The following QSOX1 variants were observed in gnomAD, a reference collection of about 807,000 sequenced individuals.
QSOX1 encodes the protein quiescin sulfhydryl oxidase 1.
Under a neutral mutation model 76.1 loss-of-function variants are expected in QSOX1, and 40 were observed. That is an observed-to-expected ratio of 0.53 (90% CI 0.41 to 0.68). The LOEUF is 0.68. QSOX1 is among the 30% of genes least tolerant of loss of function. The pLI, the probability that QSOX1 is intolerant of heterozygous loss-of-function variation, is 0.00. For missense variants in QSOX1, 931 were observed against 974.3 expected, an observed-to-expected ratio of 0.96 and a Z score of 0.59; for synonymous variants, 392 against 413.1, an observed-to-expected ratio of 0.95 and a Z score of 0.62.
chr1:180,163,575 A>T (rs1453044852), intron 1 of QSOX1, among the ~76,000 whole-genome samples: 3 of 152,264 alleles, frequency 2.0e-5, no homozygotes, highest in Non-Finnish European at 2.9e-5. Flanking sequence ...ATACAAAAAC[A>T]AGATGCCAAA....
At position 180,154,900 on chromosome 1, in the gene QSOX1, C is replaced by T. The variant is rs371215494; in HGVS notation, c.-8C>T. ...TGCTTGCGTGTGGTGGTGAGCGCAG[C>T]GCCGAGGATGAGGAGGTGCAACAGC... is the stretch of plus-strand genomic sequence containing the variant. On this transcript the variant is annotated 5_prime_UTR_variant, in exon 1 of 12. Coordinates refer to ENST00000367602, the MANE Select transcript of QSOX1 (RefSeq NM_002826.5). 7.0e-7 allele frequency: 1 copy of T among 1,429,954 alleles called. No homozygotes were observed. Among genetic ancestry groups the T allele is most frequent in the Non-Finnish European group, 9.1e-7 (1 of 1,100,114 alleles). The allele number at this position is 1,429,954 out of a possible 1,614,324, so 88.6% of individuals were successfully genotyped here. A position where few individuals can be genotyped will look rare whatever the true frequency, so the allele number is the denominator to read the frequency against.
At chr1:180,172,852 G>A (rs2149234445) in intron 2 of QSOX1, among the ~76,000 whole-genome samples, 1 of 152,012 alleles carries the variant, frequency 6.6e-6, no homozygotes, top group African/African-American at 2.4e-5. Flanking sequence ...AGTAATGCAA[G>A]CCTCTTTTAA....
chr1:180,182,961 A>C (rs755625725), intron 6 of QSOX1, among the ~76,000 whole-genome samples: 7 of 152,106 alleles, frequency 4.6e-5, no homozygotes, highest in Non-Finnish European at 7.4e-5. Flanking sequence ...GTGCCGACCC[A>C]CACGGCGCCG....
chr1:180,183,842 C>T (rs1184120780), intron 6 of QSOX1, 74 bp from the exon 7 acceptor site: 3 of 1,453,142 alleles, frequency 2.1e-6, no homozygotes, highest in Non-Finnish European at 2.8e-6. Context: ...CCTTCTTCCT[C>T]TTCTGACATT....
At chr1:180,159,075 A>G (rs1644137060) in intron 1 of QSOX1, among the ~76,000 whole-genome samples, 1 of 152,192 alleles carries the variant, frequency 6.6e-6, no homozygotes, top group South Asian at 2.1e-4. Flanking sequence ...GTGGGGGCTC[A>G]GCAGAATCCC....
chr1:180,194,646 A>G (rs949033381), intron 11 of QSOX1, among the ~76,000 whole-genome samples: 17 of 152,246 alleles, frequency 1.1e-4, no homozygotes, highest in African/African-American at 4.1e-4. Flanking sequence ...TCTCTAGCCT[A>G]CTGGGGTCCC....
intron 2 of QSOX1, among the ~76,000 whole-genome samples, chr1:180,174,699 A>G (rs1662841798): frequency 6.6e-6 from 1 of 152,178 alleles, no homozygotes; most frequent in Non-Finnish European, 1.5e-5. Context: ...ATTACATGCT[A>G]GGTACTGTGC....
chr1:180,170,435 G>A (rs2149233471), intron 2 of QSOX1, among the ~76,000 whole-genome samples: 1 of 152,292 alleles, frequency 6.6e-6, no homozygotes, highest in South Asian at 2.1e-4. Context: ...AGCTGGAATT[G>A]AATGCCATCG....
intron 2 of QSOX1, 77 bp from the exon 3 acceptor site, chr1:180,175,244 A>AT: frequency 7.2e-7 from 1 of 1,397,546 alleles, no homozygotes; most frequent in Non-Finnish European, 1.0e-6. Flanking sequence ...AAGTAGGCAG[A>AT]TTTTCAGAGC....
intron 5 of QSOX1, among the ~76,000 whole-genome samples, chr1:180,180,599 C>T (rs563318853): frequency 2.0e-5 from 3 of 152,366 alleles, no homozygotes; most frequent in African/African-American, 7.2e-5. Context: ...ACTGCAAGCT[C>T]CACCTGTCAG....
At position 180,179,001 on chromosome 1, in the gene QSOX1, T is replaced by C. The variant is rs1015250114; in HGVS notation, c.606+117T>C. On this transcript the variant is annotated intron_variant, in intron 5 of 11. Coordinates refer to ENST00000367602, the MANE Select transcript of QSOX1 (RefSeq NM_002826.5). ...TCTTGGCTGCCTGGGTCTTTTAGCC[T>C]GGCATTGGCCTGACCCCTGCTGGGA... The C allele has an allele frequency of 3.7e-5, 33 of 896,690 alleles. No individual in the cohort carries two copies. In the African/African-American group the frequency reaches 5.5e-4, roughly 15 times the overall value. The allele number at this position is 896,690 out of a possible 1,614,324, so 55.5% of individuals were successfully genotyped here. A position where few individuals can be genotyped will look rare whatever the true frequency, so the allele number is the denominator to read the frequency against.
intron 2 of QSOX1, 35 bp downstream of exon 2, chr1:180,166,626 C>T (rs1373715281): frequency 6.3e-7 from 1 of 1,591,084 alleles, no homozygotes; most frequent in Admixed American, 1.7e-5. Flanking sequence ...GCAGGCTGGG[C>T]CTGCTTTGTT....
At chr1:180,182,131 C>T in intron 5 of QSOX1, 43 bp from the exon 6 acceptor site, 1 of 1,607,344 alleles carries the variant, frequency 6.2e-7, no homozygotes. Flanking sequence ...CTGGCTCCCT[C>T]CACCCGGTGG....
At chr1:180,186,256 A>T in intron 8 of QSOX1, 74 bp downstream of exon 8, 1 of 1,535,192 alleles carries the variant, frequency 6.5e-7, no homozygotes, top group Non-Finnish European at 8.8e-7. Context: ...AAGGCTGGGC[A>T]CCCCGTCAGC....
intron 1 of QSOX1, among the ~76,000 whole-genome samples, chr1:180,156,752 G>A (rs1050200554): frequency 3.3e-5 from 5 of 152,164 alleles, no homozygotes; most frequent in Non-Finnish European, 4.4e-5. Flanking sequence ...GAGGAGTGAT[G>A]TCAACACATC....
rs1258937033 is a variant in QSOX1 at position 180,197,337 on chromosome 1, T to G, written c.*300T>G. On this transcript the variant is annotated 3_prime_UTR_variant, in exon 12 of 12. Coordinates refer to ENST00000367602, the MANE Select transcript of QSOX1 (RefSeq NM_002826.5). ...CACCACATTCCTGTTTTTCAGCTTA[T>G]TTGAAGTCCTGCCTCATTCTCACTG... 1 of 1,614,018 alleles carries G rather than the reference T, an allele frequency of 6.2e-7. No homozygotes were observed.
At chr1:180,156,307 G>A (rs1662376137) in intron 1 of QSOX1, among the ~76,000 whole-genome samples, 1 of 152,184 alleles carries the variant, frequency 6.6e-6, no homozygotes, top group Admixed American at 6.5e-5. Context: ...TGCTGCCTCT[G>A]AATGGAGTTA....
rs148602019 is a variant in QSOX1, at chr1:180,169,390, C to G, written c.366+2799C>G. 4.6e-5 allele frequency among the ~76,000 whole-genome samples: 7 copies of G among 152,352 alleles called. No homozygotes were observed. In the South Asian group the frequency reaches 8.3e-4, roughly 18 times the overall value. On this transcript the variant is annotated intron_variant, in intron 2 of 11. Transcript: ENST00000367602. ...AGGGGTGGGGAAGGGCAGGTCTTCTCTCTTCGAGGCTCTGAGGAGATCAGT... is the reference window on the plus strand; with the variant it reads ...AGGGGTGGGGAAGGGCAGGTCTTCTGTCTTCGAGGCTCTGAGGAGATCAGT...
At chr1:180,164,517 C>T (rs1662566866) in intron 1 of QSOX1, among the ~76,000 whole-genome samples, 1 of 152,190 alleles carries the variant, frequency 6.6e-6, no homozygotes, top group African/African-American at 2.4e-5. Flanking sequence ...GGTGTGGCCA[C>T]AGGCCTTCCT....
Sources: gnomAD v4.1 joint callset for allele counts (sites outside exome capture counted in the v4.1 genomes callset) on GRCh38, gnomAD v4.1.1 for gene constraint, MANE v1.5 for transcripts, NCBI Gene and HGNC (gene_info 2026-07-23, HGNC 2026-07-21) for gene names.